The following PCDHGA5 variants were observed in gnomAD, a reference collection of about 807,000 sequenced individuals.
PCDHGA5 encodes protocadherin gamma subfamily A, 5.
In PCDHGA5, 36 loss-of-function variants were observed where a neutral mutation model predicts 56.7. The ratio of observed to expected loss-of-function variants is 0.64; its 90% confidence interval spans 0.49 to 0.84. The LOEUF (loss-of-function observed/expected upper bound fraction) is 0.84, where lower values mean the gene tolerates loss of function less well. Among genes scored for constraint, PCDHGA5 ranks in the 40% least tolerant of loss-of-function variants. The pLI, the probability that PCDHGA5 is intolerant of heterozygous loss-of-function variation, is 0.00. For missense variants in PCDHGA5, 1,305 were observed against 1,201.5 expected (o/e 1.09, Z -1.27); for synonymous variants, 563 against 520.2 (o/e 1.08, Z -1.12).
intron 1 of PCDHGA5, among the ~76,000 whole-genome samples, chr5:141,444,225 G>A (rs1307884592): frequency 8.0e-6 from 1 of 125,604 alleles, no homozygotes; most frequent in African/African-American, 3.1e-5. Context: ...AGGCTGGAGT[G>A]CAATGGCATG....
At chr5:141,410,191 C>T in intron 1 of PCDHGA5, 1 of 1,613,994 alleles carries the variant, frequency 6.2e-7, no homozygotes, top group Non-Finnish European at 8.5e-7. Context: ...TTCATCTGGT[C>T]TTCGCAGACA....
intron 1 of PCDHGA5, chr5:141,376,073 GTGGCCGACAGGATCCCCGACATCC>G: frequency 1.2e-6 from 2 of 1,613,508 alleles, no homozygotes; most frequent in Non-Finnish European, 1.7e-6. Flanking sequence ...CACCGTGGCC[GTGGCCGACAGGATCCCCGACATCC>G]TGGCCGACCT....
chr5:141,383,202 G>A, intron 1 of PCDHGA5: 1 of 1,614,060 alleles, frequency 6.2e-7, no homozygotes. Flanking sequence ...AGAGTGCGCG[G>A]TGTCTGGTAA....
At chr5:141,386,849 C>G (rs1259863561) in intron 1 of PCDHGA5, among the ~76,000 whole-genome samples, 1 of 152,200 alleles carries the variant, frequency 6.6e-6, no homozygotes, top group Non-Finnish European at 1.5e-5. Context: ...AATCACTAAA[C>G]TCAGTGAGCT....
At chr5:141,414,740 G>A (rs776833780) in intron 1 of PCDHGA5, 1 of 1,614,208 alleles carries the variant, frequency 6.2e-7, no homozygotes, top group South Asian at 1.1e-5. Flanking sequence ...TATGCACTCA[G>A]ATCCTTCGAC....
Position 141,487,820 on chromosome 5 carries a change from G to A in PCDHGA5, c.2422-6987G>A, listed in dbSNP as rs1024593393. 8 of 1,293,652 alleles carry A rather than the reference G, an allele frequency of 6.2e-6. No individual in the cohort carries two copies. The highest frequency in any genetic ancestry group is 3.7e-4 in the Middle Eastern group (2 of 5,382). 80.1% of individuals were successfully genotyped at this position (1,293,652 alleles called of 1,614,324 possible). A position where few individuals can be genotyped will look rare whatever the true frequency, so the allele number is the denominator to read the frequency against. On this transcript the variant is annotated intron_variant, in intron 1 of 3. Transcript: ENST00000518069. This position sits in a 1 kb window ranked among gnomAD's most constrained non-coding sequence, Gnocchi z 5.0. ...GTTGTCACAGTTTAGCATTGGGGGC[G>A]GGTCATGCCTATATCTGAGTAAGAA...
chr5:141,419,138 A>G (rs1590146439), intron 1 of PCDHGA5: 1 of 1,613,920 alleles, frequency 6.2e-7, no homozygotes, highest in Non-Finnish European at 8.5e-7. Flanking sequence ...AGCCACAGAC[A>G]GGGGCAAGCC....
At position 141,425,978 on chromosome 5, in the gene PCDHGA5, A is replaced by T. The variant is rs182438141; in HGVS notation, c.2421+59227A>T. Among the ~76,000 whole-genome samples the T allele has an allele frequency of 3.9e-3, 592 of 152,340 alleles. 5 individuals carry two copies. Among genetic ancestry groups the T allele is most frequent in the African/African-American group, 0.014 (563 of 41,588 alleles). ...AGTCCAACACATCAGTCTAATTCTG[A>T]ATCCCATTGAATTAGCAAAGGCTTC... On this transcript the variant is annotated intron_variant, in intron 1 of 3. Coordinates refer to ENST00000518069, the MANE Select transcript of PCDHGA5 (RefSeq NM_018918.3).
chr5:141,383,797 G>T, intron 1 of PCDHGA5: 1 of 1,613,962 alleles, frequency 6.2e-7, no homozygotes. Flanking sequence ...GCTTACAGGA[G>T]AAATATCAAC....
chr5:141,443,254 G>A (rs185181143), intron 1 of PCDHGA5, among the ~76,000 whole-genome samples: 30 of 152,006 alleles, frequency 2.0e-4, no homozygotes, highest in Admixed American at 1.6e-3. Context: ...GCCAAGGCGG[G>A]TGGATCACTT....
chr5:141,470,021 C>T (rs111919483), intron 1 of PCDHGA5, among the ~76,000 whole-genome samples: 8 of 152,156 alleles, frequency 5.3e-5, no homozygotes, highest in African/African-American at 1.9e-4. Flanking sequence ...CCCAGCTACT[C>T]GGGATGCTGA....
At chr5:141,409,897 A>C (rs549955923) in intron 1 of PCDHGA5, 1 of 1,613,086 alleles carries the variant, frequency 6.2e-7, no homozygotes, top group Non-Finnish European at 8.5e-7. Context: ...TGCTGTACCC[A>C]GCTCTGGGTC....
chr5:141,385,368 T>TG, intron 1 of PCDHGA5: 4 of 1,535,720 alleles, frequency 2.6e-6, no homozygotes, highest in Non-Finnish European at 3.5e-6. Flanking sequence ...TTTATTTGCA[T>TG]GATATTTCTC....
rs1229317913 is a variant in PCDHGA5 at position 141,489,752 on chromosome 5, C to T, written c.2422-5055C>T. ...GGCACCAATACTGTGAGCTTTTACACTCTAAGCCCCAACAGCCACTTCTCT... is the reference window on the plus strand; with the variant it reads ...GGCACCAATACTGTGAGCTTTTACATTCTAAGCCCCAACAGCCACTTCTCT... On this transcript the variant is annotated intron_variant, in intron 1 of 3. Transcript: ENST00000518069. The surrounding 1 kb of genome is among the most constrained non-coding windows in gnomAD (Gnocchi z 4.5). 1.2e-6 allele frequency: 2 copies of T among 1,614,018 alleles called. No individual in the cohort carries two copies. Among genetic ancestry groups the T allele is most frequent in the Non-Finnish European group, 1.7e-6 (2 of 1,179,980 alleles).
chr5:141,499,570 A>G (rs1027373056), intron 2 of PCDHGA5, among the ~76,000 whole-genome samples: 2 of 152,200 alleles, frequency 1.3e-5, no homozygotes, highest in African/African-American at 4.8e-5. Context: ...TCCAGCTTCA[A>G]CTAATGCCTT....
At chr5:141,462,302 A>C (rs2099036796) in intron 1 of PCDHGA5, among the ~76,000 whole-genome samples, 1 of 152,222 alleles carries the variant, frequency 6.6e-6, no homozygotes, top group African/African-American at 2.4e-5. Context: ...GTATTACCCA[A>C]ATATATTTGT....
At position 141,477,368 on chromosome 5, in the gene PCDHGA5, G is replaced by A; in HGVS notation, c.2422-17439G>A. Reference sequence around the variant, plus strand: ...GAAAACCAGTGCAGACCTGGATCGGGAGACTGTGCCAGAATACAACCTCAG... The same window carrying A: ...GAAAACCAGTGCAGACCTGGATCGGAAGACTGTGCCAGAATACAACCTCAG... On this transcript the variant is annotated intron_variant, in intron 1 of 3. Coordinates refer to ENST00000518069, the MANE Select transcript of PCDHGA5 (RefSeq NM_018918.3). The surrounding 1 kb of genome is among the most constrained non-coding windows in gnomAD (Gnocchi z 4.9). 6.2e-7 allele frequency: 1 copy of A among 1,614,132 alleles called. No individual in the cohort carries two copies. Among genetic ancestry groups the A allele is most frequent in the Non-Finnish European group, 8.5e-7 (1 of 1,180,024 alleles).
At chr5:141,484,499 A>G (rs567556335) in intron 1 of PCDHGA5, among the ~76,000 whole-genome samples, 20 of 152,344 alleles carry the variant, frequency 1.3e-4, no homozygotes, top group African/African-American at 4.6e-4. Flanking sequence ...CCGTTTCTGA[A>G]TATTCTGCAG....
intron 1 of PCDHGA5, among the ~76,000 whole-genome samples, chr5:141,488,802 A>G (rs910422824): frequency 2.0e-5 from 3 of 152,294 alleles, no homozygotes; most frequent in Middle Eastern, 3.4e-3. Flanking sequence ...CCTGTTGAGT[A>G]CCATCTGAGC....
Sources: allele counts gnomAD v4.1 joint callset (sites outside exome capture counted in the v4.1 genomes callset), GRCh38; gene constraint gnomAD v4.1.1; non-coding constraint Gnocchi (gnomAD v3.1); transcripts MANE v1.5; gene names NCBI Gene and HGNC (gene_info 2026-07-23, HGNC 2026-07-21).